Variants in MAP2K5 observed in about 807,000 individuals in gnomAD.
The protein encoded by MAP2K5 is mitogen-activated protein kinase kinase 5.
Under a neutral mutation model 83.1 loss-of-function variants are expected in MAP2K5, and 49 were observed. The ratio of observed to expected loss-of-function variants is 0.59; its 90% confidence interval spans 0.47 to 0.75. The LOEUF is 0.75. Ranked by LOEUF, MAP2K5 falls within the 30% of genes least tolerant of loss-of-function variation. The pLI is 0.00. For synonymous variants in MAP2K5, 202 were observed against 191.8 expected (o/e 1.05, Z -0.44); for missense variants, 457 against 557.5 (o/e 0.82, Z 1.82).
rs2085757381 is a variant in MAP2K5, at chr15:67,605,357, ATGGGAC to A, written c.545+4610_545+4615del. Among the ~76,000 whole-genome samples the A allele has an allele frequency of 2.6e-5, 4 of 152,258 alleles. No individual in the cohort carries two copies. In the South Asian group the frequency reaches 8.3e-4, roughly 32 times the overall value. ...CGTGAATCACCACCCCCAGCCAGCC[ATGGGAC>A]TCTTTTTGATAAACATCTCACAGAA... On this transcript the variant is annotated intron_variant, in intron 8 of 21. Coordinates refer to ENST00000178640, the MANE Select transcript of MAP2K5 (RefSeq NM_145160.3).
chr15:67,554,215 A>G (rs1480915536), intron 2 of MAP2K5, among the ~76,000 whole-genome samples: 2 of 152,022 alleles, frequency 1.3e-5, no homozygotes, highest in Admixed American at 1.3e-4. Context: ...GCATGCCACT[A>G]CACTGGCTAA....
At chr15:67,639,302 A>G (rs368902366) in intron 9 of MAP2K5, among the ~76,000 whole-genome samples, 1 of 152,194 alleles carries the variant, frequency 6.6e-6, no homozygotes, top group Non-Finnish European at 1.5e-5. Context: ...CTTGTCAGAC[A>G]TGTATACCAG....
rs367602802 is a variant in MAP2K5, at chr15:67,565,706, G to GT, written c.252+2359dup. Among the ~76,000 whole-genome samples, 642 of 152,224 alleles carry GT rather than the reference G, an allele frequency of 4.2e-3. 8 individuals carry two copies. Among genetic ancestry groups the GT allele is most frequent in the African/African-American group, 0.014 (577 of 41,544 alleles). On this transcript the variant is annotated intron_variant, in intron 3 of 21. Coordinates refer to ENST00000178640, the MANE Select transcript of MAP2K5 (RefSeq NM_145160.3). This position sits in a 1 kb window ranked among gnomAD's most constrained non-coding sequence, Gnocchi z 4.1. ...TACATTACATGTCCTTAGTTTAAAA[G>GT]TTTCTGAGATTACTTGGGTCCACTT...
chr15:67,694,720 A>G (rs1425794771), intron 15 of MAP2K5, among the ~76,000 whole-genome samples: 1 of 152,092 alleles, frequency 6.6e-6, no homozygotes, highest in African/African-American at 2.4e-5. Flanking sequence ...AGGGATCTAC[A>G]ACTAGAAATA....
At chr15:67,718,302 G>A (rs898163067) in intron 16 of MAP2K5, 2 of 152,214 alleles carry the variant, frequency 1.3e-5, no homozygotes, top group African/African-American at 4.8e-5. Flanking sequence ...GTCTCTAAGA[G>A]ACCATTGTCA....
chr15:67,725,489 A>G (rs926056732), intron 16 of MAP2K5, among the ~76,000 whole-genome samples: 3 of 152,166 alleles, frequency 2.0e-5, no homozygotes, highest in Admixed American at 6.5e-5. Flanking sequence ...GATCTTGACT[A>G]TATGTGTGGT....
chr15:67,668,654 A>G lies in MAP2K5; in HGVS notation c.847+4009A>G, dbSNP rs900859349. Among the ~76,000 whole-genome samples, 5 of 152,152 alleles carry G rather than the reference A, an allele frequency of 3.3e-5. 1 individual carries two copies. The highest frequency in any genetic ancestry group is 2.0e-4 in the Admixed American group (3 of 15,256). On this transcript the variant is annotated intron_variant, in intron 13 of 21. Coordinates refer to ENST00000178640, the MANE Select transcript of MAP2K5 (RefSeq NM_145160.3). The surrounding 1 kb of genome is among the most constrained non-coding windows in gnomAD (Gnocchi z 4.0). Reference sequence around the variant, plus strand: ...AAACATAAATACAAGATTAACACCTATGCCATTTCTTGGGAAGATGTGAGA... The same window carrying G: ...AAACATAAATACAAGATTAACACCTGTGCCATTTCTTGGGAAGATGTGAGA...
chr15:67,725,802 T>A (rs777585917), intron 16 of MAP2K5, among the ~76,000 whole-genome samples: 6 of 152,132 alleles, frequency 3.9e-5, no homozygotes, highest in Non-Finnish European at 7.4e-5. Context: ...CAGTAGACCA[T>A]AGTAATTCCT....
At chr15:67,695,289 G>A (rs1046050079) in intron 15 of MAP2K5, among the ~76,000 whole-genome samples, 2 of 151,884 alleles carry the variant, frequency 1.3e-5, no homozygotes, top group African/African-American at 4.8e-5. Context: ...AAAGATTTAG[G>A]GATGGAACCT....
intron 17 of MAP2K5, among the ~76,000 whole-genome samples, chr15:67,745,445 AAGC>A (rs2089584298): frequency 6.6e-6 from 1 of 152,244 alleles, no homozygotes; most frequent in Admixed American, 6.5e-5. Context: ...CTGTGTGCAA[AAGC>A]AGAGGCAATG....
At chr15:67,631,601 T>G (rs1286733472) in intron 9 of MAP2K5, among the ~76,000 whole-genome samples, 1 of 151,942 alleles carries the variant, frequency 6.6e-6, no homozygotes, top group Non-Finnish European at 1.5e-5. Flanking sequence ...GCCAATAGAG[T>G]CAGGCTACAC....
Position 67,708,017 on chromosome 15 carries a change from C to A in MAP2K5, c.1044+4609C>A, listed in dbSNP as rs1226572625. Among the ~76,000 whole-genome samples the A allele has an allele frequency of 6.6e-6, 1 of 152,100 alleles. No individual in the cohort carries two copies. Among genetic ancestry groups the A allele is most frequent in the African/African-American group, 2.4e-5 (1 of 41,418 alleles). On this transcript the variant is annotated intron_variant, in intron 16 of 21. Transcript: ENST00000178640. This position sits in a 1 kb window ranked among gnomAD's most constrained non-coding sequence, Gnocchi z 4.9. ...GAGCAAAGGAATTTCCCTGAAATTACACAGGAATCAAATACAGGCTAGGCC... is the reference window on the plus strand; with the variant it reads ...GAGCAAAGGAATTTCCCTGAAATTAAACAGGAATCAAATACAGGCTAGGCC...
intron 16 of MAP2K5, among the ~76,000 whole-genome samples, chr15:67,727,354 G>C (rs1233083652): frequency 6.6e-6 from 1 of 152,184 alleles, no homozygotes; most frequent in Non-Finnish European, 1.5e-5. Flanking sequence ...TTCAGACTTA[G>C]ACCTACAGTT....
chr15:67,626,224 T>A (rs904150076), intron 8 of MAP2K5, among the ~76,000 whole-genome samples: 2 of 152,188 alleles, frequency 1.3e-5, no homozygotes, highest in East Asian at 3.8e-4. Flanking sequence ...TAATTTCCTT[T>A]AAATCACATT....
intron 9 of MAP2K5, chr15:67,641,609 A>C: frequency 1.0e-6 from 1 of 994,212 alleles, no homozygotes; most frequent in East Asian, 1.1e-4. Context: ...TTGACAACTC[A>C]TCCTTATTTG....
intron 13 of MAP2K5, among the ~76,000 whole-genome samples, chr15:67,670,693 G>A (rs988908256): frequency 6.6e-6 from 1 of 151,688 alleles, no homozygotes; most frequent in East Asian, 1.9e-4. Context: ...TAACTCAGTA[G>A]CTTAAAAAAC....
At chr15:67,735,937 G>C (rs558549934) in intron 17 of MAP2K5, among the ~76,000 whole-genome samples, 1 of 152,272 alleles carries the variant, frequency 6.6e-6, no homozygotes, top group East Asian at 1.9e-4. Context: ...GCATGGGAAA[G>C]GATGTGCTAG....
At chr15:67,784,059 TAG>T (rs1377366553) in intron 21 of MAP2K5, among the ~76,000 whole-genome samples, 1 of 152,204 alleles carries the variant, frequency 6.6e-6, no homozygotes, top group African/African-American at 2.4e-5. Flanking sequence ...ATTTATTATA[TAG>T]AGAGAAATGG....
In MAP2K5 at chr15:67,565,251, A is replaced by G. The variant is rs1165324253; in HGVS notation, c.252+1901A>G. ...TGTTATTTATTTTTTTTTCTCCGAGATGGAGTCTTGCTCTGTCACCGAGGC... is the reference window on the plus strand; with the variant it reads ...TGTTATTTATTTTTTTTTCTCCGAGGTGGAGTCTTGCTCTGTCACCGAGGC... On this transcript the variant is annotated intron_variant, in intron 3 of 21. Transcript: ENST00000178640. This position sits in a 1 kb window ranked among gnomAD's most constrained non-coding sequence, Gnocchi z 4.1. 6.6e-6 allele frequency among the ~76,000 whole-genome samples: 1 copy of G among 151,354 alleles called. No homozygotes were observed. The highest frequency in any genetic ancestry group is 2.4e-5 in the African/African-American group (1 of 41,110).
Sources: allele counts gnomAD v4.1 joint callset (sites outside exome capture counted in the v4.1 genomes callset), GRCh38; gene constraint gnomAD v4.1.1; non-coding constraint Gnocchi (gnomAD v3.1); transcripts MANE v1.5; gene names NCBI Gene and HGNC (gene_info 2026-07-23, HGNC 2026-07-21).